Variants in HHIPL2 observed in about 807,000 individuals in gnomAD.
HHIPL2 encodes HHIP-like protein 2.
A neutral mutation model predicts 61.0 loss-of-function variants in HHIPL2; 61 were observed. The ratio of observed to expected loss-of-function variants is 1.00; its 90% CI spans 0.81 to 1.24. The LOEUF (loss-of-function observed/expected upper bound fraction) is 1.24, where lower values mean the gene tolerates loss of function less well. Ranked by LOEUF, HHIPL2 falls within the 50% of genes most tolerant of loss-of-function variation. The pLI, the probability that HHIPL2 is intolerant of heterozygous loss-of-function variation, is 0.00. For synonymous variants in HHIPL2, 343 were observed against 357.4 expected, an observed-to-expected ratio of 0.96 and a Z score of 0.45; for missense variants, 885 against 910.2, an observed-to-expected ratio of 0.97 and a Z score of 0.36.
At chr1:222,546,255 G>T (rs549855642) in intron 1 of HHIPL2, among the ~76,000 whole-genome samples, 1 of 152,090 alleles carries the variant, frequency 6.6e-6, no homozygotes, top group South Asian at 2.1e-4. Flanking sequence ...ACTTTAGCAC[G>T]GTGTGATCAA....
chr1:222,532,375 G>A (rs1207632781), intron 5 of HHIPL2, among the ~76,000 whole-genome samples: 4 of 152,152 alleles, frequency 2.6e-5, no homozygotes, highest in Non-Finnish European at 4.4e-5. Flanking sequence ...GCACTTTGGA[G>A]GACAAGGCAG....
At chr1:222,537,265 T>C (rs967122207) in intron 5 of HHIPL2, among the ~76,000 whole-genome samples, 1 of 151,172 alleles carries the variant, frequency 6.6e-6, no homozygotes, top group Non-Finnish European at 1.5e-5. Context: ...TAAAAGAAAA[T>C]GTCCCCAGCC....
At chr1:222,524,637 A>G (rs1199809338) in intron 7 of HHIPL2, among the ~76,000 whole-genome samples, 1 of 152,232 alleles carries the variant, frequency 6.6e-6, no homozygotes, top group Non-Finnish European at 1.5e-5. Flanking sequence ...GCTCAAGTCC[A>G]TGTTCTCAAC....
At chr1:222,547,351 T>G (rs1356181327) in intron 1 of HHIPL2, among the ~76,000 whole-genome samples, 1 of 152,110 alleles carries the variant, frequency 6.6e-6, no homozygotes, top group African/African-American at 2.4e-5. Context: ...CTCGGTAAAT[T>G]CCACGGGTTT....
intron 2 of HHIPL2, among the ~76,000 whole-genome samples, chr1:222,542,528 CTTT>C (rs772394115): frequency 2.1e-5 from 2 of 97,172 alleles, no homozygotes; most frequent in Non-Finnish European, 3.8e-5. Flanking sequence ...CCACATCTGG[CTTT>C]TTTTTTTTTT....
intron 8 of HHIPL2, among the ~76,000 whole-genome samples, 185 bp from the exon 9 acceptor site, chr1:222,523,072 T>C (rs1041806043): frequency 6.6e-6 from 1 of 152,162 alleles, no homozygotes; most frequent in African/African-American, 2.4e-5. Context: ...CATGGTTCTG[T>C]AATAGTTTCC....
chr1:222,539,009 T>C, intron 4 of HHIPL2: 1 of 490,534 alleles, frequency 2.0e-6, no homozygotes, highest in East Asian at 3.4e-5. Flanking sequence ...AAGCCAAAAA[T>C]TCCCTCCATC....
intron 6 of HHIPL2, among the ~76,000 whole-genome samples, chr1:222,528,848 G>C (rs961725312): frequency 4.7e-5 from 6 of 128,486 alleles, no homozygotes; most frequent in Non-Finnish European, 9.5e-5. Flanking sequence ...TTTTAGACAA[G>C]GTCTTGCTCT....
rs74405919 is a variant in HHIPL2, at chr1:222,523,164, C to A, written c.1889-277G>T. Among the ~76,000 whole-genome samples, 1,394 of 152,192 alleles carry A rather than the reference C, an allele frequency of 9.2e-3. 24 individuals are homozygous for A. Among genetic ancestry groups the A allele is most frequent in the African/African-American group, 0.031 (1,299 of 41,510 alleles). On this transcript the variant is annotated intron_variant, in intron 8 of 8. Coordinates refer to ENST00000343410, the MANE Select transcript of HHIPL2 (RefSeq NM_024746.4). ...AAACATTCCTCATTCTAGGGGCCCT[C>A]TAAGTGCCCTGAGCATCCTTCTATA...
intron 6 of HHIPL2, among the ~76,000 whole-genome samples, chr1:222,530,040 C>G (rs1659155403): frequency 6.6e-6 from 1 of 152,168 alleles, no homozygotes; most frequent in Admixed American, 6.5e-5. Flanking sequence ...AATAATTTGC[C>G]TCAAGAACAG....
intron 1 of HHIPL2, among the ~76,000 whole-genome samples, chr1:222,546,812 A>G (rs1392596347): frequency 6.6e-6 from 1 of 152,194 alleles, no homozygotes; most frequent in Non-Finnish European, 1.5e-5. Context: ...TGGGAGTTAC[A>G]GTGGTCTGCA....
chr1:222,547,922 T>G lies in HHIPL2; in HGVS notation c.123A>C (p.Gly41=). Residue 41 remains glycine, a synonymous_variant, in exon 1 of 9, where the codon GGA becomes GGC. Transcript: ENST00000343410. The part of the protein sequence containing the change: ...FLLGQVGLLQ[G]HPQCLDYGPP... ...GCCCGTAATCCAGGCACTGGGGGTG[T>G]CCCTGCAGCAAGCCCACCTGGCCCA... 6.2e-7 allele frequency: 1 copy of G among 1,612,946 alleles called. No individual in the cohort carries two copies. The highest frequency in any genetic ancestry group is 8.5e-7 in the Non-Finnish European group (1 of 1,179,280).
chr1:222,522,584 C>T lies in HHIPL2; in HGVS notation c.*17G>A. 8.7e-6 allele frequency: 14 copies of T among 1,606,044 alleles called. No individual in the cohort carries two copies. The highest frequency in any genetic ancestry group is 1.2e-5 in the Non-Finnish European group (14 of 1,177,954). Reference sequence around the variant, plus strand: ...CTCCTCTCTCACGTCACCCTGTCGGCCACCTTGACCAATAGGTCAAGGGAG... The same window carrying T: ...CTCCTCTCTCACGTCACCCTGTCGGTCACCTTGACCAATAGGTCAAGGGAG... On this transcript the variant is annotated 3_prime_UTR_variant, in exon 9 of 9. Coordinates refer to ENST00000343410, the MANE Select transcript of HHIPL2 (RefSeq NM_024746.4).
In HHIPL2 at chr1:222,542,115, CAT is replaced by C; in HGVS notation, c.1013_1014del (p.Asn338ArgfsTer68). On this transcript the variant is annotated frameshift_variant, in exon 3 of 9. Transcript: ENST00000343410. LOFTEE classifies it high-confidence loss of function. ...LEIEEPASNH[N>X]GGQLLFGLDG... is the part of the protein sequence containing the mutation. The stretch of plus-strand genomic sequence containing the variant: ...TCCAGGCCAAAAAGAAGTTGTCCGC[CAT>C]TATGGTTTGAGGCTGGTTCTTCAAT... 1 of 1,613,944 alleles carries C rather than the reference CAT, an allele frequency of 6.2e-7. No individual in the cohort carries two copies. The highest frequency in any genetic ancestry group is 8.5e-7 in the Non-Finnish European group (1 of 1,179,990).
chr1:222,534,501 C>T (rs530956036), intron 5 of HHIPL2, among the ~76,000 whole-genome samples: 119 of 150,380 alleles, frequency 7.9e-4, no homozygotes, highest in African/African-American at 1.9e-3. Context: ...GGCGTGAACC[C>T]GGGAGGCGGA....
At chr1:222,527,591 CA>C (rs1229037819) in intron 6 of HHIPL2, among the ~76,000 whole-genome samples, 2 of 152,062 alleles carry the variant, frequency 1.3e-5, no homozygotes, top group African/African-American at 4.8e-5. Context: ...CCATGCCCCA[CA>C]AAAATCACCT....
At position 222,540,103 on chromosome 1, in the gene HHIPL2, C is replaced by A. The variant is rs1168508393; in HGVS notation, c.1357G>T (p.Val453Phe). The change falls in exon 4 of 9, where the codon GTT becomes TTT. Residue 453 changes from valine (V) to phenylalanine (F), a missense_variant. Coordinates refer to ENST00000343410, the MANE Select transcript of HHIPL2 (RefSeq NM_024746.4). ...TTTCCACCTTTCAAAATGAGGTCAACCTCTTCAAACCTGTTCTGGCCCACG... is the reference window on the plus strand; with the variant it reads ...TTTCCACCTTTCAAAATGAGGTCAAACTCTTCAAACCTGTTCTGGCCCACG... ...GDVGQNRFEE[V>F]DLILKGGNYG... is the part of the protein sequence containing the mutation. The A allele has an allele frequency of 1.9e-6, 3 of 1,614,276 alleles. No individual in the cohort carries two copies. In the Admixed American group the frequency reaches 5.0e-5, roughly 27 times the overall value.
chr1:222,545,053 C>G lies in HHIPL2; in HGVS notation c.322-864G>C, dbSNP rs1659526185. ...AGGAGTATCTGCTACTTGGACCTCC[C>G]TAGACTATAACATTTTTTAGGAGGA... On this transcript the variant is annotated intron_variant, in intron 1 of 8. Transcript: ENST00000343410. Among the ~76,000 whole-genome samples the G allele has an allele frequency of 2.0e-5, 3 of 152,120 alleles. No homozygotes were observed. In the South Asian group the frequency reaches 6.2e-4, roughly 32 times the overall value.
chr1:222,531,875 AT>A (rs1659199166), intron 6 of HHIPL2, 90 bp downstream of exon 6: 1 of 1,173,018 alleles, frequency 8.5e-7, no homozygotes. Flanking sequence ...AGTAGAAGTG[AT>A]AATTACTATT....
Sources: gnomAD v4.1 joint callset for allele counts (sites outside exome capture counted in the v4.1 genomes callset) on GRCh38, gnomAD v4.1.1 for gene constraint, MANE v1.5 for transcripts, NCBI Gene and HGNC (gene_info 2026-07-23, HGNC 2026-07-21) for gene names.